TBRG4: variants seen among roughly 807,000 people sequenced by gnomAD.
TBRG4 encodes the protein FAST kinase domain-containing protein 4.
In TBRG4, 43 loss-of-function variants were observed where a neutral mutation model predicts 65.6. The ratio of observed to expected loss-of-function variants is 0.66; its 90% CI spans 0.51 to 0.85. The LOEUF (loss-of-function observed/expected upper bound fraction) is 0.85. Ranked by LOEUF, TBRG4 falls within the 40% of genes least tolerant of loss-of-function variation. The pLI, the probability that TBRG4 is intolerant of heterozygous loss-of-function variation, is 0.00. For synonymous variants in TBRG4, 366 were observed against 341.4 expected (o/e 1.07, Z -0.79); for missense variants, 709 against 787.9 (o/e 0.90, Z 1.20).
chr7:45,108,928 G>A lies in TBRG4; in HGVS notation c.310C>T (p.Leu104Phe). 1 of 1,611,576 alleles carries A rather than the reference G, an allele frequency of 6.2e-7. No homozygotes were observed. The highest frequency in any genetic ancestry group is 8.5e-7 in the Non-Finnish European group (1 of 1,178,876). The stretch of plus-strand genomic sequence containing the variant: ...GACAGCAAGTGAGAGAGCCGGATAA[G>A]TACCATTGCTGCTTGATTGCTGTCC... ...DLDSNQAAMV[L>F]IRLSHLLSEK... The change falls in exon 2 of 11, where the codon CTT becomes TTT. Residue 104 changes from leucine to phenylalanine, a missense_variant. Coordinates refer to ENST00000258770, the MANE Select transcript of TBRG4 (RefSeq NM_004749.4).
chr7:45,108,509 AAT>A, intron 2 of TBRG4, among the ~76,000 whole-genome samples: 1 of 152,358 alleles, frequency 6.6e-6, no homozygotes, highest in Non-Finnish European at 1.5e-5. Context: ...GGCAGAGAGC[AAT>A]ACAAGTCAAG....
intron 1 of TBRG4, 72 bp from the exon 2 acceptor site, chr7:45,109,359 T>C: frequency 8.1e-7 from 1 of 1,237,126 alleles, no homozygotes; most frequent in South Asian, 1.7e-5. Context: ...AGAAATGAAA[T>C]AGTCAAAGCC....
At chr7:45,107,853 T>C (rs1230206432) in intron 2 of TBRG4, 2 of 153,162 alleles carry the variant, frequency 1.3e-5, no homozygotes, top group East Asian at 3.9e-4. Context: ...GGGGCCTAAC[T>C]AAGTTCATTT....
Position 45,108,896 on chromosome 7 carries a change from C to T in TBRG4, c.342G>A (p.Lys114=). Residue 114 remains lysine, a synonymous_variant, in exon 2 of 11, where the codon AAG becomes AAA. Coordinates refer to ENST00000258770, the MANE Select transcript of TBRG4 (RefSeq NM_004749.4). The stretch of plus-strand genomic sequence containing the variant: ...GTATGAGCAAGCCTTTATCTTCTGG[C>T]TTCTCAGACAGCAAGTGAGAGAGCC... ...LIRLSHLLSE[K]PEDKGLLIQD... 7 of 1,588,284 alleles carry T rather than the reference C, an allele frequency of 4.4e-6. No homozygotes were observed. The highest frequency in any genetic ancestry group is 1.2e-5 in the South Asian group (1 of 85,866).
In TBRG4 at chr7:45,102,227, A is replaced by G. The variant is rs113777008; in HGVS notation, c.1321+120T>C. On this transcript the variant is annotated intron_variant, in intron 7 of 10. Coordinates refer to ENST00000258770, the MANE Select transcript of TBRG4 (RefSeq NM_004749.4). ...TCTGCTGGCCACCTACAGGGAGAGG[A>G]TGGAGAGCGAGGGGGAGGGAGAGCC... is the stretch of plus-strand genomic sequence containing the variant. The G allele has an allele frequency of 8.4e-6, 13 of 1,549,884 alleles. 1 individual carries two copies. Among genetic ancestry groups the G allele is most frequent in the African/African-American group, 4.1e-5 (3 of 73,866 alleles).
intron 5 of TBRG4, 72 bp from the exon 6 acceptor site, chr7:45,103,515 T>G: frequency 8.4e-7 from 1 of 1,196,384 alleles, no homozygotes; most frequent in Non-Finnish European, 1.2e-6. Flanking sequence ...TGCCTGGCTC[T>G]GAGTCTGAGG....
At chr7:45,101,204 G>C (rs1005806469) in intron 10 of TBRG4, 54 bp downstream of exon 10, 6 of 1,551,216 alleles carry the variant, frequency 3.9e-6, no homozygotes, top group Non-Finnish European at 5.3e-6. Context: ...CCCCTCTCTA[G>C]CGTGGGTTGG....
At chr7:45,105,287 T>C in intron 3 of TBRG4, 154 bp downstream of exon 3, 1 of 835,188 alleles carries the variant, frequency 1.2e-6, no homozygotes, top group Non-Finnish European at 1.8e-6. Flanking sequence ...CCTCTGGTCC[T>C]GCCCCATGTG....
In TBRG4 at chr7:45,108,851, T is replaced by C. The variant is rs1433298911; in HGVS notation, c.387A>G (p.Gln129=). ...GLLIQDAHFH[Q]LLCLLNSQIA... The stretch of plus-strand genomic sequence containing the variant: ...CCTGACTGTTGAGCAGACAGAGAAG[T>C]TGATGAAAGTGGGCATCCTGTATGA... Residue 129 remains glutamine (Q), a synonymous_variant, in exon 2 of 11, where the codon CAA becomes CAG. Transcript: ENST00000258770. The C allele has an allele frequency of 9.1e-6, 14 of 1,541,952 alleles. No homozygotes were observed. The highest frequency in any genetic ancestry group is 1.2e-5 in the Non-Finnish European group (14 of 1,147,174).
Position 45,108,893 on chromosome 7 carries a change from T to C in TBRG4, c.345A>G (p.Pro115=), listed in dbSNP as rs1280795014. The part of the protein sequence containing the change: ...IRLSHLLSEK[P]EDKGLLIQDA... Reference sequence around the variant, plus strand: ...CCTGTATGAGCAAGCCTTTATCTTCTGGCTTCTCAGACAGCAAGTGAGAGA... The same window carrying C: ...CCTGTATGAGCAAGCCTTTATCTTCCGGCTTCTCAGACAGCAAGTGAGAGA... The change falls in exon 2 of 11, where the codon CCA becomes CCG. Residue 115 remains proline (P), a synonymous_variant. Coordinates refer to ENST00000258770, the MANE Select transcript of TBRG4 (RefSeq NM_004749.4). 5.0e-6 allele frequency: 8 copies of C among 1,585,714 alleles called. No individual in the cohort carries two copies. Among genetic ancestry groups the C allele is most frequent in the Non-Finnish European group, 6.8e-6 (8 of 1,169,100 alleles).
At chr7:45,104,078 T>C in intron 5 of TBRG4, 21 bp downstream of exon 5, 2 of 1,571,424 alleles carry the variant, frequency 1.3e-6, no homozygotes, top group Non-Finnish European at 1.7e-6. Flanking sequence ...TTCTCTGAGT[T>C]GGGGCCAGGC....
intron 7 of TBRG4, 77 bp downstream of exon 7, chr7:45,102,270 C>G (rs1194187677): frequency 6.3e-7 from 1 of 1,594,918 alleles, no homozygotes; most frequent in South Asian, 1.1e-5. Flanking sequence ...CCATCTGCCC[C>G]AAATTCTCAC....
rs1242974300 is a variant in TBRG4, at chr7:45,101,343, T to G, written c.1709A>C (p.Asn570Thr). 6.2e-7 allele frequency: 1 copy of G among 1,613,716 alleles called. No homozygotes were observed. The highest frequency in any genetic ancestry group is 2.2e-5 in the East Asian group (1 of 44,888). ...CAAGTCCTTGCTTCGGCTGTTGAAG[T>G]TGGGGAACTCCCACCGCAAGAACGC... The part of the protein sequence containing the change: ...RLAFLRWEFP[N>T]FNSRSKDLLG... Residue 570 changes from asparagine to threonine, a missense_variant, in exon 10 of 11, where the codon AAC becomes ACC. By Grantham distance (65) the Asn-to-Thr change is moderately conservative. Coordinates refer to ENST00000258770, the MANE Select transcript of TBRG4 (RefSeq NM_004749.4).
Position 45,104,206 on chromosome 7 carries a change from G to T in TBRG4, c.958C>A (p.Leu320Met). Residue 320 changes from leucine (L) to methionine (M), a missense_variant, in exon 5 of 11, where the codon CTG (leucine) becomes ATG (methionine). Physicochemically the swap from Leu to Met is conservative, Grantham distance 15 (BLOSUM62 2). Transcript: ENST00000258770. ...TQVSQRLATD[L>M]LSLMPSLTSG... The stretch of plus-strand genomic sequence containing the variant: ...GTCAGGCTGGGCATGAGGGATAGCA[G>T]GTCGGTGGCCAGGCGCTGGGACACC... The T allele has an allele frequency of 6.2e-7, 1 of 1,614,186 alleles. No homozygotes were observed. Among genetic ancestry groups the T allele is most frequent in the Non-Finnish European group, 8.5e-7 (1 of 1,180,054 alleles).
chr7:45,111,612 C>A, intron 1 of TBRG4, 31 bp downstream of exon 1: 14 of 1,289,446 alleles, frequency 1.1e-5, no homozygotes, highest in Non-Finnish European at 1.4e-5. Context: ...CCACGATCAG[C>A]CGCCCCTTCT....
Position 45,105,452 on chromosome 7 carries a change from G to T in TBRG4, c.724C>A (p.Leu242Met), listed in dbSNP as rs759208879. 1.2e-6 allele frequency: 2 copies of T among 1,601,164 alleles called. No individual in the cohort carries two copies. The highest frequency in any genetic ancestry group is 4.5e-5 in the East Asian group (2 of 44,724). ...TTCAGGCCCAGTACCTTGTCTTCCA[G>T]GCGGTTCATTAGTGGCTCCGAGAGG... ...GHLSEPLMNR[L>M]EDKCLELVEH... Residue 242 changes from leucine to methionine, a missense_variant, in exon 3 of 11, where the codon CTG (leucine) becomes ATG (methionine). Physicochemically the swap from Leu to Met is conservative, Grantham distance 15 (BLOSUM62 2). Transcript: ENST00000258770.
Position 45,101,301 on chromosome 7 carries a change from A to T in TBRG4, c.1751T>A (p.Leu584Gln). ...TGCAGCCACTATGTGTCGCCGGGCC[A>T]GAACAAAGCGACCCAGCAAGTCCTT... ...RSKDLLGRFV[L>Q]ARRHIVAAGF... The change falls in exon 10 of 11, where the codon CTG (leucine) becomes CAG (glutamine). Residue 584 changes from leucine (L) to glutamine (Q), a missense_variant. Coordinates refer to ENST00000258770, the MANE Select transcript of TBRG4 (RefSeq NM_004749.4). 1 of 1,614,008 alleles carries T rather than the reference A, an allele frequency of 6.2e-7. No homozygotes were observed. Among genetic ancestry groups the T allele is most frequent in the South Asian group, 1.1e-5 (1 of 91,086 alleles).
chr7:45,108,889 C>A lies in TBRG4; in HGVS notation c.349G>T (p.Asp117Tyr). Residue 117 changes from aspartate to tyrosine, a missense_variant, in exon 2 of 11, where the codon GAT (aspartate) becomes TAT (tyrosine). Physicochemically the swap from Asp to Tyr is radical, Grantham distance 160. Coordinates refer to ENST00000258770, the MANE Select transcript of TBRG4 (RefSeq NM_004749.4). ...GCATCCTGTATGAGCAAGCCTTTATCTTCTGGCTTCTCAGACAGCAAGTGA... is the reference window on the plus strand; with the variant it reads ...GCATCCTGTATGAGCAAGCCTTTATATTCTGGCTTCTCAGACAGCAAGTGA... ...LSHLLSEKPEDKGLLIQDAHF... is the reference protein window; with the variant it reads ...LSHLLSEKPEYKGLLIQDAHF... 6.3e-7 allele frequency: 1 copy of A among 1,583,070 alleles called. No individual in the cohort carries two copies. The highest frequency in any genetic ancestry group is 8.6e-7 in the Non-Finnish European group (1 of 1,167,856).
intron 6 of TBRG4, 179 bp from the exon 7 acceptor site, chr7:45,102,670 T>G: frequency 5.2e-6 from 4 of 766,400 alleles, no homozygotes; most frequent in Non-Finnish European, 8.1e-6. Flanking sequence ...ATCCTGGGCT[T>G]GAAGGTACCA....
Sources: gnomAD v4.1 joint callset for allele counts (sites outside exome capture counted in the v4.1 genomes callset) on GRCh38, gnomAD v4.1.1 for gene constraint, MANE v1.5 for transcripts, NCBI Gene and HGNC (gene_info 2026-07-23, HGNC 2026-07-21) for gene names.